ZNF804B: variants seen among roughly 807,000 people sequenced by gnomAD.
The protein encoded by ZNF804B is zinc finger 804B.
In ZNF804B, 80 loss-of-function variants were observed where a neutral mutation model predicts 101.4. The ratio of observed to expected loss-of-function variants is 0.79; its 90% CI spans 0.66 to 0.95. The LOEUF is 0.95. Ranked by LOEUF, ZNF804B falls within the 40% of genes least tolerant of loss-of-function variation. The pLI is 0.00. For missense variants in ZNF804B, 1,673 were observed against 1,561.9 expected, an observed-to-expected ratio of 1.07 and a Z score of -1.20; for synonymous variants, 622 against 558.8, an observed-to-expected ratio of 1.11 and a Z score of -1.59.
chr7:89,123,696 ATAATT>A (rs1790437654), intron 1 of ZNF804B, among the ~76,000 whole-genome samples: 3 of 89,850 alleles, frequency 3.3e-5, no homozygotes, highest in African/African-American at 1.1e-4. Flanking sequence ...ATTTTACTAT[ATAATT>A]TACTTAACAG....
intron 1 of ZNF804B, among the ~76,000 whole-genome samples, chr7:89,068,402 C>T (rs1789487098): frequency 4.6e-5 from 7 of 151,340 alleles, no homozygotes. Context: ...CTCATAAAAC[C>T]AAATATCTGC....
chr7:89,051,874 G>A lies in ZNF804B; in HGVS notation c.109-166281G>A, dbSNP rs553772883. 2.6e-5 allele frequency among the ~76,000 whole-genome samples: 4 copies of A among 152,164 alleles called. 1 individual carries two copies. The South Asian group carries it at 8.3e-4, about 32-fold the overall frequency. On this transcript the variant is annotated intron_variant, in intron 1 of 3. Coordinates refer to ENST00000333190, the MANE Select transcript of ZNF804B (RefSeq NM_181646.5). ...AGTGTCTTGTCTTCCCTGTTGTCCA[G>A]TTTCTTCATTTATAAAATGGAAAGA...
rs147034075 is a variant in ZNF804B at position 88,838,822 on chromosome 7, A to T, written c.108+78738A>T. Among the ~76,000 whole-genome samples the T allele has an allele frequency of 9.0e-3, 1,373 of 152,056 alleles. 16 individuals are homozygous for T. Among genetic ancestry groups the T allele is most frequent in the African/African-American group, 0.032 (1,311 of 41,514 alleles). ...ACTAATAAATATAAAAGTCTCAGAA[A>T]CCTGCCCTTAACATAGTAAGGCTTC... On this transcript the variant is annotated intron_variant, in intron 1 of 3. Transcript: ENST00000333190.
intron 2 of ZNF804B, among the ~76,000 whole-genome samples, chr7:89,244,897 G>A (rs921388393): frequency 5.3e-5 from 8 of 152,298 alleles, no homozygotes; most frequent in Non-Finnish European, 8.8e-5. Flanking sequence ...TCTTTATGAT[G>A]TGAACAATCT....
chr7:88,968,852 T>A (rs549443078), intron 1 of ZNF804B, among the ~76,000 whole-genome samples: 2 of 151,710 alleles, frequency 1.3e-5, no homozygotes, highest in South Asian at 4.1e-4. Flanking sequence ...ATTACATAGG[T>A]TAGATTTATT....
At chr7:88,829,655 T>C (rs13245048) in intron 1 of ZNF804B, among the ~76,000 whole-genome samples, 1 of 152,026 alleles carries the variant, frequency 6.6e-6, no homozygotes, top group Non-Finnish European at 1.5e-5. Flanking sequence ...AAGTTGGAAG[T>C]GTGTTATGTT....
intron 1 of ZNF804B, among the ~76,000 whole-genome samples, chr7:88,840,355 T>G (rs2115803240): frequency 1.3e-5 from 2 of 152,242 alleles, no homozygotes; most frequent in South Asian, 4.1e-4. Flanking sequence ...TGCTAATGAG[T>G]ATTTCCCATC....
At chr7:88,799,319 A>C (rs1239350057) in intron 1 of ZNF804B, among the ~76,000 whole-genome samples, 4 of 151,164 alleles carry the variant, frequency 2.6e-5, no homozygotes, top group Admixed American at 2.0e-4. Context: ...CAGTAACCCT[A>C]TATGATAGAT....
intron 1 of ZNF804B, among the ~76,000 whole-genome samples, chr7:89,083,742 C>G (rs1426965482): frequency 6.6e-6 from 1 of 150,620 alleles, no homozygotes; most frequent in African/African-American, 2.4e-5. Flanking sequence ...ATTTTTTTTT[C>G]AGAAATTAAA....
At chr7:88,787,981 A>G (rs1390661835) in intron 1 of ZNF804B, among the ~76,000 whole-genome samples, 1 of 152,166 alleles carries the variant, frequency 6.6e-6, no homozygotes, top group African/African-American at 2.4e-5. Context: ...AATCATAAAA[A>G]GAAAGAAAGG....
chr7:89,134,051 TTGTC>T (rs1341493891), intron 1 of ZNF804B, among the ~76,000 whole-genome samples: 14 of 152,036 alleles, frequency 9.2e-5, no homozygotes, highest in Non-Finnish European at 1.2e-4. Flanking sequence ...GAATGGCTGA[TTGTC>T]TGGTAAGATT....
intron 1 of ZNF804B, among the ~76,000 whole-genome samples, chr7:89,151,644 T>C (rs1194157952): frequency 3.3e-5 from 5 of 151,784 alleles, no homozygotes; most frequent in Admixed American, 3.3e-4. Flanking sequence ...TATTCAGGAA[T>C]ATAAAATAAA....
At chr7:89,080,154 T>C (rs1246834351) in intron 1 of ZNF804B, among the ~76,000 whole-genome samples, 1 of 151,878 alleles carries the variant, frequency 6.6e-6, no homozygotes, top group Non-Finnish European at 1.5e-5. Flanking sequence ...ACCAGGGCAG[T>C]GGTGGTGGTG....
At chr7:88,845,470 A>G (rs1039990380) in intron 1 of ZNF804B, among the ~76,000 whole-genome samples, 7 of 152,132 alleles carry the variant, frequency 4.6e-5, no homozygotes, top group Non-Finnish European at 8.8e-5. Context: ...ATGAGGGACA[A>G]TGGGTAACCA....
At chr7:89,246,075 T>C (rs939493163) in intron 2 of ZNF804B, among the ~76,000 whole-genome samples, 12 of 152,184 alleles carry the variant, frequency 7.9e-5, no homozygotes, top group African/African-American at 2.4e-4. Context: ...AGCCATTTTG[T>C]GGTGACTCCG....
At chr7:89,281,661 C>G (rs943940086) in intron 2 of ZNF804B, among the ~76,000 whole-genome samples, 2 of 152,042 alleles carry the variant, frequency 1.3e-5, no homozygotes, top group African/African-American at 2.4e-5. Flanking sequence ...TGGCAAGAAT[C>G]AAAATGAAAT....
At chr7:89,037,614 A>G (rs927960095) in intron 1 of ZNF804B, among the ~76,000 whole-genome samples, 1 of 151,890 alleles carries the variant, frequency 6.6e-6, no homozygotes, top group Non-Finnish European at 1.5e-5. Context: ...GATCAAGCTA[A>G]TTATTGTATC....
intron 1 of ZNF804B, among the ~76,000 whole-genome samples, chr7:89,041,669 C>G (rs539414565): frequency 1.7e-4 from 26 of 152,310 alleles, no homozygotes; most frequent in African/African-American, 6.3e-4. Flanking sequence ...GTGGTAACAT[C>G]AGGTATTCAC....
At chr7:89,109,970 G>A (rs1379524325) in intron 1 of ZNF804B, among the ~76,000 whole-genome samples, 1 of 152,170 alleles carries the variant, frequency 6.6e-6, no homozygotes, top group African/African-American at 2.4e-5. Context: ...GTAATATGAA[G>A]GTGGATATGC....
Sources: gnomAD v4.1 joint callset for allele counts (sites outside exome capture counted in the v4.1 genomes callset) on GRCh38, gnomAD v4.1.1 for gene constraint, MANE v1.5 for transcripts, NCBI Gene and HGNC (gene_info 2026-07-23, HGNC 2026-07-21) for gene names.